Variants in ULK4 observed in about 807,000 individuals in gnomAD.
ULK4 encodes the protein unc-51 like kinase 4, also known as inactive serine/threonine-protein kinase ULK4.
Under a neutral mutation model 160.6 loss-of-function variants are expected in ULK4, and 133 were observed. The observed-to-expected ratio is 0.83, with a 90% confidence interval of 0.72 to 0.96. The LOEUF (loss-of-function observed/expected upper bound fraction) is 0.96. Among genes scored for constraint, ULK4 ranks in the 40% least tolerant of loss-of-function variants. The probability of loss-of-function intolerance (pLI) is 0.00; values close to 1 mark genes in which losing one functional copy is unlikely to be tolerated. For missense variants in ULK4, 1,580 were observed against 1,499.5 expected (o/e 1.05, Z -0.89); for synonymous variants, 534 against 539.8 (o/e 0.99, Z 0.15).
rs1361607339 is a variant in ULK4 at position 41,778,133 on chromosome 3, A to T, written c.2193+11528T>A. ...TTAAGCTGATAAGCAACTTCAGCAA[A>T]GTCTCAGGATACAAAATCAATGTAC... On this transcript the variant is annotated intron_variant, in intron 21 of 36. Transcript: ENST00000301831. Among the ~76,000 whole-genome samples, 61 of 124,084 alleles carry T rather than the reference A, an allele frequency of 4.9e-4. 4 individuals carry two copies. The highest frequency in any genetic ancestry group is 9.1e-4 in the Non-Finnish European group (57 of 62,626). The allele number at this position is 124,084 out of a possible 152,430, so 81.4% of individuals were successfully genotyped here.
rs566603659 is a variant in ULK4, at chr3:41,656,481, T to C, written c.3071+7126A>G. Among the ~76,000 whole-genome samples, 6 of 152,308 alleles carry C rather than the reference T, an allele frequency of 3.9e-5. No individual in the cohort carries two copies. The East Asian group carries it at 1.2e-3, about 29-fold the overall frequency. On this transcript the variant is annotated intron_variant, in intron 30 of 36. Coordinates refer to ENST00000301831, the MANE Select transcript of ULK4 (RefSeq NM_017886.4). ...TTTAATAAAAGTCTATTTATAAATCTATCTCCTCCATTAAATACTAAGCAT... is the reference window on the plus strand; with the variant it reads ...TTTAATAAAAGTCTATTTATAAATCCATCTCCTCCATTAAATACTAAGCAT...
intron 35 of ULK4, among the ~76,000 whole-genome samples, chr3:41,303,394 A>G (rs10049199): frequency 0.16 from 23,605 of 152,176 alleles, 2,198 homozygotes; most frequent in African/African-American, 0.25. Flanking sequence ...CAAAGAAAGA[A>G]GAGTGGTATT....
chr3:41,433,152 A>G (rs2082952504), intron 34 of ULK4, among the ~76,000 whole-genome samples: 1 of 152,224 alleles, frequency 6.6e-6, no homozygotes, highest in Admixed American at 6.5e-5. Flanking sequence ...TGAAAGAGGT[A>G]AACTAAGTAG....
At position 41,705,159 on chromosome 3, in the gene ULK4, T is replaced by C. The variant is rs1438121256; in HGVS notation, c.2687-8A>G. ...CTTCTGATGCTGTCAGTCCTAGAAA[T>C]ACAGTTAATTATTATAGGTGTTTAT... On this transcript the variant is annotated splice_region_variant and splice_polypyrimidine_tract_variant and intron_variant, in intron 26 of 36. Transcript: ENST00000301831. 2 of 1,610,496 alleles carry C rather than the reference T, an allele frequency of 1.2e-6. No homozygotes were observed. Among genetic ancestry groups the C allele is most frequent in the African/African-American group, 1.3e-5 (1 of 74,742 alleles).
intron 27 of ULK4, among the ~76,000 whole-genome samples, chr3:41,691,260 C>T (rs1035558087): frequency 2.0e-5 from 3 of 151,900 alleles, no homozygotes; most frequent in South Asian, 2.1e-4. Context: ...CCTGCACATA[C>T]GAACAACCCA....
intron 34 of ULK4, among the ~76,000 whole-genome samples, chr3:41,418,659 C>T (rs1389099486): frequency 6.9e-6 from 1 of 145,536 alleles, no homozygotes; most frequent in African/African-American, 2.6e-5. Context: ...CAATTTAATT[C>T]TTGGGACCAT....
intron 6 of ULK4, among the ~76,000 whole-genome samples, chr3:41,919,016 A>G (rs925882731): frequency 9.2e-5 from 14 of 152,300 alleles, no homozygotes; most frequent in African/African-American, 2.9e-4. Flanking sequence ...CACTGCCTAT[A>G]TATTTCTCTT....
chr3:41,301,975 G>GT (rs1313276300), intron 35 of ULK4, among the ~76,000 whole-genome samples: 9 of 152,248 alleles, frequency 5.9e-5, no homozygotes, highest in Admixed American at 3.9e-4. Flanking sequence ...ATACTGAATG[G>GT]TAAGAGTCAG....
intron 21 of ULK4, among the ~76,000 whole-genome samples, 198 bp downstream of exon 21, chr3:41,789,463 G>T (rs1407851328): frequency 1.3e-5 from 2 of 152,152 alleles, no homozygotes; most frequent in Admixed American, 6.5e-5. Flanking sequence ...GCCATTTAAA[G>T]AATTTCTATT....
chr3:41,254,698 A>G (rs923249450), intron 35 of ULK4, among the ~76,000 whole-genome samples: 7 of 152,176 alleles, frequency 4.6e-5, no homozygotes, highest in East Asian at 1.9e-4. Context: ...CCTGGCCAAC[A>G]TGGTGAAACC....
chr3:41,609,701 G>C (rs1345714261), intron 31 of ULK4, among the ~76,000 whole-genome samples: 1 of 152,174 alleles, frequency 6.6e-6, no homozygotes, highest in East Asian at 1.9e-4. Context: ...TCCAGGTGCA[G>C]TGGCTTACAT....
At chr3:41,937,915 C>A in intron 3 of ULK4, 183 bp downstream of exon 3, 1 of 404,660 alleles carries the variant, frequency 2.5e-6, no homozygotes, top group Admixed American at 4.2e-5. Context: ...TAAATCCAAC[C>A]CGGAATTGAA....
intron 35 of ULK4, among the ~76,000 whole-genome samples, chr3:41,268,019 AT>A (rs1240565575): frequency 6.6e-6 from 1 of 152,126 alleles, no homozygotes; most frequent in Non-Finnish European, 1.5e-5. Context: ...ACTGGGGGTG[AT>A]TTTGACCCCC....
At chr3:41,618,248 C>A (rs2033073707) in intron 30 of ULK4, among the ~76,000 whole-genome samples, 1 of 152,126 alleles carries the variant, frequency 6.6e-6, no homozygotes, top group Non-Finnish European at 1.5e-5. Flanking sequence ...GATAGGCCAA[C>A]ATTCAAATTC....
At chr3:41,509,184 A>G (rs1286984814) in intron 32 of ULK4, among the ~76,000 whole-genome samples, 1 of 152,106 alleles carries the variant, frequency 6.6e-6, no homozygotes, top group African/African-American at 2.4e-5. Context: ...AATGCACTGG[A>G]AAGTCTCAGC....
intron 29 of ULK4, 72 bp downstream of exon 29, chr3:41,681,436 T>C: frequency 6.3e-7 from 1 of 1,590,294 alleles, no homozygotes; most frequent in Non-Finnish European, 8.6e-7. Context: ...ACCCCATCAC[T>C]GAACCTAGTT....
chr3:41,261,098 A>G (rs2078931761), intron 35 of ULK4, among the ~76,000 whole-genome samples: 2 of 152,174 alleles, frequency 1.3e-5, no homozygotes, highest in African/African-American at 2.4e-5. Flanking sequence ...TACACAGGGC[A>G]TTAGTAGATG....
chr3:41,812,607 A>C (rs1312703296), intron 19 of ULK4, among the ~76,000 whole-genome samples: 1 of 152,188 alleles, frequency 6.6e-6, no homozygotes, highest in Non-Finnish European at 1.5e-5. Flanking sequence ...TAGAGGTTTA[A>C]TATTGACTAA....
At chr3:41,928,317 A>G (rs1179162957) in intron 5 of ULK4, among the ~76,000 whole-genome samples, 1 of 152,244 alleles carries the variant, frequency 6.6e-6, no homozygotes, top group Admixed American at 6.5e-5. Context: ...ACAAAGATAC[A>G]ATGTACCAGA....
Sources: gnomAD v4.1 joint callset for allele counts (sites outside exome capture counted in the v4.1 genomes callset) on GRCh38, gnomAD v4.1.1 for gene constraint, MANE v1.5 for transcripts, NCBI Gene and HGNC (gene_info 2026-07-23, HGNC 2026-07-21) for gene names.